The following TNFRSF11B variants were observed in gnomAD, a reference collection of about 807,000 sequenced individuals.
TNFRSF11B encodes the protein TNF receptor superfamily member 11b, also known as tumor necrosis factor receptor superfamily member 11B.
In TNFRSF11B, 16 loss-of-function variants were observed where a neutral mutation model predicts 43.4. The ratio of observed to expected loss-of-function variants is 0.37; its 90% CI spans 0.25 to 0.56. The LOEUF (loss-of-function observed/expected upper bound fraction) is 0.56. TNFRSF11B is among the 20% of genes least tolerant of loss of function. The probability of loss-of-function intolerance (pLI) is 0.80; values close to 1 mark genes in which losing one functional copy is unlikely to be tolerated. For synonymous variants in TNFRSF11B, 185 were observed against 181.8 expected, an observed-to-expected ratio of 1.02 and a Z score of -0.14; for missense variants, 444 against 490.1, an observed-to-expected ratio of 0.91 and a Z score of 0.89.
chr8:118,931,902 G>T (rs1812335118), intron 2 of TNFRSF11B, among the ~76,000 whole-genome samples: 1 of 152,150 alleles, frequency 6.6e-6, no homozygotes, highest in Non-Finnish European at 1.5e-5. Flanking sequence ...ACATTTGACA[G>T]TGTCTGAAGA....
chr8:118,942,557 C>T (rs1030958829), intron 1 of TNFRSF11B, among the ~76,000 whole-genome samples: 1 of 151,988 alleles, frequency 6.6e-6, no homozygotes, highest in East Asian at 1.9e-4. Flanking sequence ...ATTGGAAGCC[C>T]TGAGTGATAT....
At chr8:118,940,523 C>A (rs1301982427) in intron 1 of TNFRSF11B, among the ~76,000 whole-genome samples, 1 of 152,124 alleles carries the variant, frequency 6.6e-6, no homozygotes, top group Non-Finnish European at 1.5e-5. Flanking sequence ...TTATTTTTAC[C>A]TACCTCACTG....
chr8:118,924,757 C>G lies in TNFRSF11B; in HGVS notation c.823G>C (p.Asp275His), dbSNP rs1391441642. The G allele has an allele frequency of 6.2e-7, 1 of 1,614,052 alleles. No homozygotes were observed. The highest frequency in any genetic ancestry group is 1.3e-5 in the African/African-American group (1 of 75,038). Reference protein sequence around the residue: ...DIVKKIIQDIDLCENSVQRHI... With the variant: ...DIVKKIIQDIHLCENSVQRHI... ...CGCTGCACGCTGTTTTCACAGAGGT[C>G]AATATCTGCATAAAGCAAAAGCCCA... The change falls in exon 5 of 5, where the codon GAC becomes CAC. Residue 275 changes from aspartate (D) to histidine (H), a missense_variant. Asp to His is a moderately conservative substitution (Grantham distance 81). Transcript: ENST00000297350.
At position 118,948,764 on chromosome 8, in the gene TNFRSF11B, CA is replaced by C. The variant is rs767728943; in HGVS notation, c.30+3027del. Among the ~76,000 whole-genome samples the C allele has an allele frequency of 3.3e-3, 460 of 137,496 alleles. 1 individual carries two copies. The highest frequency in any genetic ancestry group is 6.0e-3 in the Non-Finnish European group (380 of 63,392). 90.2% of individuals were successfully genotyped at this position (137,496 alleles called of 152,430 possible). The stretch of plus-strand genomic sequence containing the variant: ...CTTCAGAGTATTCATTCTCTTAAAA[CA>C]AAACAACAAAAAAACAAACAAACAA... On this transcript the variant is annotated intron_variant, in intron 1 of 4. Coordinates refer to ENST00000297350, the MANE Select transcript of TNFRSF11B (RefSeq NM_002546.4).
chr8:118,924,929 C>A (rs1415943495), intron 4 of TNFRSF11B, among the ~76,000 whole-genome samples, 167 bp from the exon 5 acceptor site: 2 of 152,132 alleles, frequency 1.3e-5, no homozygotes, highest in Non-Finnish European at 2.9e-5. Flanking sequence ...TTTCTAAGAA[C>A]TGAGATAAAT....
At chr8:118,932,676 A>C (rs1292096206) in intron 2 of TNFRSF11B, among the ~76,000 whole-genome samples, 1 of 150,124 alleles carries the variant, frequency 6.7e-6, no homozygotes, top group Non-Finnish European at 1.5e-5. Context: ...AAAAAAAAAA[A>C]CCATCATGCA....
intron 1 of TNFRSF11B, among the ~76,000 whole-genome samples, chr8:118,941,687 CAATT>C (rs11573864): frequency 0.021 from 3,219 of 151,910 alleles, 104 homozygotes; most frequent in African/African-American, 0.072. Context: ...ATTTTATAGA[CAATT>C]AATATTTGAC....
chr8:118,925,328 A>T (rs796853117), intron 4 of TNFRSF11B, among the ~76,000 whole-genome samples: 1 of 152,184 alleles, frequency 6.6e-6, no homozygotes, highest in East Asian at 1.9e-4. Context: ...CCTAAGAGGG[A>T]GGAACTAACA....
rs977270546 is a variant in TNFRSF11B at position 118,951,136 on chromosome 8, A to G, written c.30+656T>C. 7.9e-5 allele frequency among the ~76,000 whole-genome samples: 12 copies of G among 152,326 alleles called. No individual in the cohort carries two copies. In the East Asian group the frequency reaches 9.6e-4, roughly 12 times the overall value. On this transcript the variant is annotated intron_variant, in intron 1 of 4. Transcript: ENST00000297350. ...TTTTAGCCCTATTTAGTGAACTTCA[A>G]TTCTTTAGATATGTTTTAGAACATA...
chr8:118,923,869 T>C lies in TNFRSF11B; in HGVS notation c.*505A>G, dbSNP rs1812213517. ...TGTCATAATAAACAGAATATAATTT[T>C]CTTTCTAAAATTAAGTCATACCGTT... On this transcript the variant is annotated 3_prime_UTR_variant, in exon 5 of 5. Transcript: ENST00000297350. 2 of 152,884 alleles carry C rather than the reference T, an allele frequency of 1.3e-5. No homozygotes were observed. The highest frequency in any genetic ancestry group is 2.4e-5 in the African/African-American group (1 of 41,468). 9.5% of individuals were successfully genotyped at this position (152,884 alleles called of 1,614,324 possible).
In TNFRSF11B at chr8:118,926,654, C is replaced by T; in HGVS notation, c.657G>A (p.Trp219Ter). 6.2e-7 allele frequency: 1 copy of T among 1,614,032 alleles called. No individual in the cohort carries two copies. The highest frequency in any genetic ancestry group is 2.2e-5 in the East Asian group (1 of 44,868). Residue 219 changes from tryptophan to a stop codon, truncating the protein, a stop_gained, in exon 4 of 5, where the codon TGG becomes TGA. Transcript: ENST00000297350. LOFTEE classifies it high-confidence loss of function. ...GCAAATTGTCTACCAAGACACTAAG[C>T]CAGTTAGGCGTAAACTTTGTAGGAA... ...FAVPTKFTPN[W>*]LSVLVDNLPG...
intron 2 of TNFRSF11B, among the ~76,000 whole-genome samples, chr8:118,929,705 T>C (rs778264234): frequency 3.9e-5 from 6 of 152,220 alleles, no homozygotes; most frequent in Non-Finnish European, 5.9e-5. Context: ...CTAAAGACGC[T>C]ATTAAAAATA....
chr8:118,938,063 T>C (rs1812427880), intron 1 of TNFRSF11B, among the ~76,000 whole-genome samples: 2 of 152,178 alleles, frequency 1.3e-5, no homozygotes, highest in Admixed American at 1.3e-4. Context: ...TAATTCCCCA[T>C]ATTTAAGAAG....
At chr8:118,942,515 T>G (rs1166048486) in intron 1 of TNFRSF11B, among the ~76,000 whole-genome samples, 3 of 152,066 alleles carry the variant, frequency 2.0e-5, no homozygotes, top group Non-Finnish European at 2.9e-5. Context: ...CTGTAGATAT[T>G]GACTGCATGT....
intron 1 of TNFRSF11B, among the ~76,000 whole-genome samples, chr8:118,946,793 G>A (rs1258178578): frequency 6.6e-6 from 1 of 152,052 alleles, no homozygotes; most frequent in Non-Finnish European, 1.5e-5. Context: ...TCCAGCCCAG[G>A]CTTCTCCTGC....
Position 118,943,065 on chromosome 8 carries a change from C to T in TNFRSF11B, c.30+8727G>A, listed in dbSNP as rs1418954393. Among the ~76,000 whole-genome samples, 3 of 152,070 alleles carry T rather than the reference C, an allele frequency of 2.0e-5. No homozygotes were observed. In the East Asian group the frequency reaches 5.8e-4, roughly 29 times the overall value. On this transcript the variant is annotated intron_variant, in intron 1 of 4. Coordinates refer to ENST00000297350, the MANE Select transcript of TNFRSF11B (RefSeq NM_002546.4). ...CCTAAAATACAGTACTTTACACAAC[C>T]TCTCTGGTAGTTATTCCTATGAGAT...
At chr8:118,932,498 T>C (rs1319999047) in intron 2 of TNFRSF11B, among the ~76,000 whole-genome samples, 1 of 152,192 alleles carries the variant, frequency 6.6e-6, no homozygotes, top group Admixed American at 6.5e-5. Flanking sequence ...CTGCTTATTG[T>C]TAGCACTCCA....
intron 1 of TNFRSF11B, among the ~76,000 whole-genome samples, chr8:118,936,263 G>A (rs751488964): frequency 5.3e-5 from 8 of 152,154 alleles, no homozygotes; most frequent in East Asian, 1.9e-4. Flanking sequence ...AGGCTATCAC[G>A]TGGAATAATC....
chr8:118,936,474 G>T (rs974183479), intron 1 of TNFRSF11B, among the ~76,000 whole-genome samples: 1 of 152,134 alleles, frequency 6.6e-6, no homozygotes, highest in Non-Finnish European at 1.5e-5. Flanking sequence ...TTACTGGACA[G>T]AGGATGGGCA....
Sources: gnomAD v4.1 joint callset for allele counts (sites outside exome capture counted in the v4.1 genomes callset) on GRCh38, gnomAD v4.1.1 for gene constraint, MANE v1.5 for transcripts, NCBI Gene and HGNC (gene_info 2026-07-23, HGNC 2026-07-21) for gene names.